The following CHMP3 variants were observed in gnomAD, a reference collection of about 807,000 sequenced individuals.
CHMP3 encodes charged multivesicular body protein 3, also known as 25.1 protein.
CHMP3 carries 8 observed loss-of-function variants against 27.4 expected under a neutral mutation model. The observed-to-expected ratio is 0.29, with a 90% CI of 0.17 to 0.53. CHMP3 has a LOEUF of 0.53. CHMP3 is among the 20% of genes least tolerant of loss of function. CHMP3 has a pLI of 0.96. For missense variants in CHMP3, 208 were observed against 271.5 expected (o/e 0.77, Z 1.64); for synonymous variants, 86 against 85.5 (o/e 1.01, Z -0.03).
rs532411471 is a variant in CHMP3, at chr2:86,526,562, G to A, written c.286+2656C>T. ...TAAACCTTTACACACAGCAAAAACT[G>A]AAAATAACCTTAATATCCATCAAAA... On this transcript the variant is annotated intron_variant, in intron 3 of 5. Transcript: ENST00000263856. 4.6e-5 allele frequency among the ~76,000 whole-genome samples: 7 copies of A among 151,618 alleles called. No homozygotes were observed. In the South Asian group the frequency reaches 1.5e-3, roughly 32 times the overall value.
chr2:86,551,245 A>G (rs1676893490), intron 1 of CHMP3, among the ~76,000 whole-genome samples: 1 of 151,816 alleles, frequency 6.6e-6, no homozygotes, highest in Non-Finnish European at 1.5e-5. Context: ...CAGAGTCCCA[A>G]CCACAAGCCC....
intron 3 of CHMP3, among the ~76,000 whole-genome samples, chr2:86,524,934 A>C (rs1362245674): frequency 1.3e-5 from 2 of 152,172 alleles, no homozygotes; most frequent in Non-Finnish European, 2.9e-5. Context: ...CCTTTTTCAG[A>C]CCTCTGTTTA....
At chr2:86,531,149 T>G (rs1675902643) in intron 2 of CHMP3, among the ~76,000 whole-genome samples, 1 of 152,120 alleles carries the variant, frequency 6.6e-6, no homozygotes, top group Non-Finnish European at 1.5e-5. Flanking sequence ...TGGTAACATC[T>G]TTTTATTTTT....
chr2:86,543,114 T>C (rs1676427302), intron 1 of CHMP3, among the ~76,000 whole-genome samples: 1 of 152,220 alleles, frequency 6.6e-6, no homozygotes, highest in African/African-American at 2.4e-5. Flanking sequence ...TTCTCAGCAC[T>C]TGAGTCTGAT....
chr2:86,552,943 G>C (rs927214790), intron 1 of CHMP3, among the ~76,000 whole-genome samples: 3 of 151,766 alleles, frequency 2.0e-5, no homozygotes, highest in South Asian at 4.2e-4. Context: ...CTTATAAGTG[G>C]GAGTTGAATG....
rs552908159 is a variant in CHMP3, at chr2:86,516,740, T to C, written c.287-6261A>G. 1.4e-3 allele frequency among the ~76,000 whole-genome samples: 214 copies of C among 152,314 alleles called. 1 individual carries two copies. The highest frequency in any genetic ancestry group is 4.3e-3 in the African/African-American group (180 of 41,578). Reference sequence around the variant, plus strand: ...ATGTAAACACTTGAGTTAATTTCCATAGAAGTATGCTGAGTGAAAAAAGCC... The same window carrying C: ...ATGTAAACACTTGAGTTAATTTCCACAGAAGTATGCTGAGTGAAAAAAGCC... On this transcript the variant is annotated intron_variant, in intron 3 of 5. Transcript: ENST00000263856.
chr2:86,507,612 T>C lies in CHMP3; in HGVS notation c.409-19A>G. ...TCCCAGCCTAAACAGAATAAATATG[T>C]CACTTCGGTCAACTGTTAAATCTGT... is the stretch of plus-strand genomic sequence containing the variant. On this transcript the variant is annotated intron_variant, in intron 4 of 5. Transcript: ENST00000263856. The C allele has an allele frequency of 6.2e-7, 1 of 1,604,814 alleles. No individual in the cohort carries two copies. The highest frequency in any genetic ancestry group is 8.5e-7 in the Non-Finnish European group (1 of 1,171,624).
chr2:86,514,246 A>G (rs561355504), intron 3 of CHMP3, among the ~76,000 whole-genome samples: 1 of 152,350 alleles, frequency 6.6e-6, no homozygotes, highest in African/African-American at 2.4e-5. Flanking sequence ...TAGTTCCACA[A>G]TTCTGTTCTA....
At chr2:86,533,339 C>T (rs1313024781) in intron 2 of CHMP3, among the ~76,000 whole-genome samples, 1 of 152,122 alleles carries the variant, frequency 6.6e-6, no homozygotes, top group Non-Finnish European at 1.5e-5. Flanking sequence ...AAGGTGTATA[C>T]ATTTTTTTGT....
chr2:86,555,605 C>T (rs1245085109), intron 1 of CHMP3, among the ~76,000 whole-genome samples: 1 of 152,188 alleles, frequency 6.6e-6, no homozygotes, highest in African/African-American at 2.4e-5. Flanking sequence ...GAAGGCCATG[C>T]TTCCTCCAGT....
intron 2 of CHMP3, chr2:86,540,690 CT>C (rs1295732605): frequency 1.3e-5 from 2 of 152,174 alleles, no homozygotes; most frequent in African/African-American, 4.8e-5. Flanking sequence ...CATTTCAGAT[CT>C]TTCAACTCTA....
chr2:86,549,670 G>A (rs1676796336), intron 1 of CHMP3, among the ~76,000 whole-genome samples: 1 of 147,992 alleles, frequency 6.8e-6, no homozygotes, highest in African/African-American at 2.5e-5. Context: ...TCACTTCCCA[G>A]ATGGGGTGGC....
chr2:86,550,465 G>A (rs1013868695), intron 1 of CHMP3, among the ~76,000 whole-genome samples: 1 of 151,474 alleles, frequency 6.6e-6, no homozygotes. Flanking sequence ...AGAGAGAGGG[G>A]AGTTCTTAAA....
intron 3 of CHMP3, among the ~76,000 whole-genome samples, chr2:86,513,711 T>G (rs1675189636): frequency 6.6e-6 from 1 of 152,150 alleles, no homozygotes; most frequent in African/African-American, 2.4e-5. Flanking sequence ...GAAGGTGAAA[T>G]CAAGAGTAAT....
rs1212704128 is a variant in CHMP3 at position 86,507,596 on chromosome 2, A to G, written c.409-3T>C. On this transcript the variant is annotated splice_polypyrimidine_tract_variant and splice_region_variant and intron_variant, in intron 4 of 5. Transcript: ENST00000263856. ...AACATCTCCTCTATGATCCCAGCCT[A>G]AACAGAATAAATATGTCACTTCGGT... The G allele has an allele frequency of 2.5e-6, 4 of 1,612,628 alleles. No individual in the cohort carries two copies. Among genetic ancestry groups the G allele is most frequent in the Non-Finnish European group, 3.4e-6 (4 of 1,178,792 alleles).
intron 2 of CHMP3, among the ~76,000 whole-genome samples, chr2:86,537,670 A>G (rs1676202432): frequency 1.3e-5 from 2 of 152,190 alleles, no homozygotes; most frequent in Admixed American, 6.5e-5. Flanking sequence ...AAATTGGCAT[A>G]GGGTGTCTGT....
chr2:86,548,746 G>C (rs1217378608), intron 1 of CHMP3, among the ~76,000 whole-genome samples: 1 of 152,136 alleles, frequency 6.6e-6, no homozygotes, highest in Admixed American at 6.5e-5. Flanking sequence ...TGGCCGGGCA[G>C]AGGCACTCCT....
chr2:86,539,224 T>C (rs1239233492), intron 2 of CHMP3, among the ~76,000 whole-genome samples: 8 of 152,306 alleles, frequency 5.3e-5, no homozygotes, highest in Middle Eastern at 3.4e-3. Context: ...CATTACTTCA[T>C]AGTCACACTT....
chr2:86,536,000 T>TTTC lies in CHMP3; in HGVS notation c.106+6251_106+6252insGAA, dbSNP rs1169319033. Among the ~76,000 whole-genome samples the TTTC allele has an allele frequency of 1.5e-4, 21 of 142,148 alleles. No individual in the cohort carries two copies. The South Asian group carries it at 4.8e-3, about 33-fold the overall frequency. 93.3% of individuals were successfully genotyped at this position (142,148 alleles called of 152,430 possible). On this transcript the variant is annotated intron_variant, in intron 2 of 5. Transcript: ENST00000263856. ...AGTAGAGTTATAAACCTTTCTTTTT[T>TTTC]TTTTTTTTTTTTTGAGACGGAGTCT...
Sources: allele counts gnomAD v4.1 joint callset (sites outside exome capture counted in the v4.1 genomes callset), GRCh38; gene constraint gnomAD v4.1.1; transcripts MANE v1.5; gene names NCBI Gene and HGNC (gene_info 2026-07-23, HGNC 2026-07-21).